The following FCHO2 variants were observed in gnomAD, a reference collection of about 807,000 sequenced individuals.
FCHO2 encodes F-BAR domain only protein 2.
In FCHO2, 43 loss-of-function variants were observed where a neutral mutation model predicts 114.1. The ratio of observed to expected loss-of-function variants is 0.38; its 90% CI spans 0.30 to 0.49. The LOEUF (loss-of-function observed/expected upper bound fraction) is 0.49, where lower values mean the gene tolerates loss of function less well. FCHO2 is among the 20% of genes least tolerant of loss of function. The pLI, the probability that FCHO2 is intolerant of heterozygous loss-of-function variation, is 0.97. For missense variants in FCHO2, 807 were observed against 950.4 expected (o/e 0.85, Z 1.98); for synonymous variants, 293 against 315.2 (o/e 0.93, Z 0.75).
intron 24 of FCHO2, among the ~76,000 whole-genome samples, chr5:73,085,777 A>T (rs1044805942): frequency 7.1e-6 from 1 of 140,150 alleles, no homozygotes; most frequent in Non-Finnish European, 1.5e-5. Context: ...TCTGTCTCAA[A>T]AAATAAATAA....
At chr5:73,029,920 C>T (rs553389197) in intron 8 of FCHO2, among the ~76,000 whole-genome samples, 3 of 152,104 alleles carry the variant, frequency 2.0e-5, no homozygotes, top group South Asian at 4.1e-4. Flanking sequence ...TTTCCACATG[C>T]GATTTGGAGG....
chr5:73,010,901 A>AAG (rs1210856090), intron 6 of FCHO2, among the ~76,000 whole-genome samples: 2 of 150,600 alleles, frequency 1.3e-5, no homozygotes, highest in East Asian at 1.9e-4. Flanking sequence ...AAAAAAAAAA[A>AAG]AGAGAGAATG....
chr5:73,053,603 G>A (rs1463583382), intron 13 of FCHO2, among the ~76,000 whole-genome samples: 1 of 151,932 alleles, frequency 6.6e-6, no homozygotes, highest in Non-Finnish European at 1.5e-5. Flanking sequence ...GCTGAGGCAG[G>A]AGAATTGCTT....
chr5:73,057,000 C>G (rs953752088), intron 16 of FCHO2, among the ~76,000 whole-genome samples: 1 of 152,102 alleles, frequency 6.6e-6, no homozygotes, highest in Non-Finnish European at 1.5e-5. Context: ...TACTCTGTCT[C>G]TCAGGCTGGA....
chr5:73,077,739 A>C (rs190120645), intron 21 of FCHO2, among the ~76,000 whole-genome samples: 133 of 152,262 alleles, frequency 8.7e-4, no homozygotes, highest in Admixed American at 2.4e-3. Flanking sequence ...AGTCCCAGCT[A>C]CTCAGGAGGC....
At chr5:73,057,468 A>G (rs916374811) in intron 16 of FCHO2, among the ~76,000 whole-genome samples, 1 of 151,706 alleles carries the variant, frequency 6.6e-6, no homozygotes, top group African/African-American at 2.4e-5. Context: ...CTGGATATGT[A>G]CTCTTATGTA....
intron 3 of FCHO2, 94 bp from the exon 4 acceptor site, chr5:72,990,384 T>C: frequency 1.1e-6 from 1 of 927,002 alleles, no homozygotes; most frequent in Non-Finnish European, 1.6e-6. Flanking sequence ...AAAGTTGCCA[T>C]ATATACCACT....
chr5:73,078,313 G>A lies in FCHO2; in HGVS notation c.1980+1G>A. On this transcript the variant is annotated splice_donor_variant, in intron 22 of 25. Transcript: ENST00000430046. LOFTEE classifies it high-confidence loss of function. ...TAATGTAGATGTATTAAAGTATCAG[G>A]TGAGTGTCACGACATTGCAAAAATT... The A allele has an allele frequency of 6.3e-7, 1 of 1,592,732 alleles. No individual in the cohort carries two copies. Among genetic ancestry groups the A allele is most frequent in the South Asian group, 1.2e-5 (1 of 85,552 alleles).
intron 19 of FCHO2, among the ~76,000 whole-genome samples, chr5:73,071,675 A>G (rs1197565604): frequency 6.6e-6 from 1 of 152,084 alleles, no homozygotes; most frequent in Non-Finnish European, 1.5e-5. Context: ...ACTTTTTAAA[A>G]GACTATTTAA....
intron 5 of FCHO2, among the ~76,000 whole-genome samples, chr5:73,002,765 T>G (rs1222970230): frequency 6.6e-6 from 1 of 152,200 alleles, no homozygotes; most frequent in African/African-American, 2.4e-5. Flanking sequence ...TAAATACATG[T>G]TATTGTTTCT....
intron 11 of FCHO2, among the ~76,000 whole-genome samples, chr5:73,050,298 T>TATC (rs1561478379): frequency 2.2e-4 from 22 of 100,642 alleles, no homozygotes; most frequent in East Asian, 4.1e-4. Context: ...TTTCTGCTAT[T>TATC]TATTTATTTA....
intron 6 of FCHO2, among the ~76,000 whole-genome samples, chr5:73,009,014 G>A (rs1304221930): frequency 6.6e-6 from 1 of 152,218 alleles, no homozygotes; most frequent in Admixed American, 6.5e-5. Context: ...TAGAGTGTGG[G>A]GAAGAAAGGG....
intron 8 of FCHO2, among the ~76,000 whole-genome samples, chr5:73,024,354 G>A (rs1755800647): frequency 6.6e-6 from 1 of 150,734 alleles, no homozygotes; most frequent in Non-Finnish European, 1.5e-5. Flanking sequence ...GAGCCACTGT[G>A]CCTGGCTCAT....
intron 8 of FCHO2, among the ~76,000 whole-genome samples, chr5:73,026,561 G>A (rs1755931644): frequency 6.6e-6 from 1 of 152,112 alleles, no homozygotes; most frequent in East Asian, 1.9e-4. Flanking sequence ...TCTATTGAAA[G>A]ATACAACCTG....
chr5:73,064,602 G>C (rs976137729), intron 18 of FCHO2, among the ~76,000 whole-genome samples: 9 of 151,970 alleles, frequency 5.9e-5, no homozygotes. Flanking sequence ...ATTTCCAGTG[G>C]TTTCTCAGTC....
intron 8 of FCHO2, among the ~76,000 whole-genome samples, chr5:73,027,020 T>TC (rs1482492065): frequency 8.0e-6 from 1 of 125,234 alleles, no homozygotes; most frequent in Non-Finnish European, 1.8e-5. Context: ...GTTTGTTTGT[T>TC]TTTTTTTTTT....
intron 10 of FCHO2, among the ~76,000 whole-genome samples, chr5:73,040,711 G>T (rs780662552): frequency 4.6e-5 from 7 of 152,162 alleles, no homozygotes; most frequent in Non-Finnish European, 1.0e-4. Flanking sequence ...CCAACTGGAA[G>T]TCTACTCAGT....
chr5:73,080,446 A>C (rs1241760335), intron 22 of FCHO2, among the ~76,000 whole-genome samples: 1 of 152,232 alleles, frequency 6.6e-6, no homozygotes, highest in African/African-American at 2.4e-5. Flanking sequence ...GATAAGGCAT[A>C]AAGGATATTC....
In FCHO2 at chr5:73,015,679, A is replaced by G; in HGVS notation, c.654A>G (p.Gly218=). 6.3e-7 allele frequency: 1 copy of G among 1,584,882 alleles called. No individual in the cohort carries two copies. The highest frequency in any genetic ancestry group is 8.5e-7 in the Non-Finnish European group (1 of 1,170,792). ...TCATTCACATAAAGGAAATTATAGGATCCTTGTCAAATGCTATAAAGGAAA... is the reference window on the plus strand; with the variant it reads ...TCATTCACATAAAGGAAATTATAGGGTCCTTGTCAAATGCTATAAAGGAAA... ...THLIHIKEII[G]SLSNAIKEIH... Residue 218 remains glycine (G), a synonymous_variant, in exon 7 of 26, where the codon GGA becomes GGG. Transcript: ENST00000430046.
Sources: allele counts gnomAD v4.1 joint callset (sites outside exome capture counted in the v4.1 genomes callset), GRCh38; gene constraint gnomAD v4.1.1; transcripts MANE v1.5; gene names NCBI Gene and HGNC (gene_info 2026-07-23, HGNC 2026-07-21).